The following NME7 variants were observed in gnomAD, a reference collection of about 807,000 sequenced individuals.
NME7 encodes the protein NME/NM23 family member 7.
Under a neutral mutation model 49.1 loss-of-function variants are expected in NME7, and 41 were observed. The ratio of observed to expected loss-of-function variants is 0.83; its 90% CI spans 0.65 to 1.08. NME7 has a LOEUF of 1.08. Ranked by LOEUF, NME7 falls within the 50% of genes least tolerant of loss-of-function variation. NME7 has a pLI of 0.00. For missense variants in NME7, 423 were observed against 463.4 expected, an observed-to-expected ratio of 0.91 and a Z score of 0.80; for synonymous variants, 139 against 150.6, an observed-to-expected ratio of 0.92 and a Z score of 0.56.
chr1:169,361,973 C>T (rs1399033538), intron 1 of NME7, among the ~76,000 whole-genome samples: 2 of 151,944 alleles, frequency 1.3e-5, no homozygotes, highest in South Asian at 2.1e-4. Context: ...TTGGGGAAGC[C>T]GAGGCAAGTG....
At chr1:169,230,010 A>T (rs1370580440) in intron 10 of NME7, among the ~76,000 whole-genome samples, 1 of 152,138 alleles carries the variant, frequency 6.6e-6, no homozygotes, top group African/African-American at 2.4e-5. Context: ...ATAAAATTAA[A>T]TTGAATTGGC....
intron 3 of NME7, among the ~76,000 whole-genome samples, chr1:169,318,976 G>A (rs562540262): frequency 1.3e-5 from 2 of 151,644 alleles, no homozygotes; most frequent in South Asian, 4.2e-4. Context: ...ATTCCAGTTG[G>A]GATGGAAGAA....
At chr1:169,263,156 A>T (rs1404926935) in intron 7 of NME7, among the ~76,000 whole-genome samples, 3 of 134,138 alleles carry the variant, frequency 2.2e-5, no homozygotes, top group Non-Finnish European at 5.3e-5. Context: ...CAAATGAGAA[A>T]GAACCAGTAC....
At chr1:169,237,716 AT>A in intron 7 of NME7, 29 bp from the exon 8 acceptor site, 2 of 1,575,470 alleles carry the variant, frequency 1.3e-6, no homozygotes. Context: ...GAGTGAAAAA[AT>A]ACAAAATTTT....
intron 9 of NME7, among the ~76,000 whole-genome samples, chr1:169,234,486 T>G (rs1647776336): frequency 6.6e-6 from 1 of 151,858 alleles, no homozygotes; most frequent in Non-Finnish European, 1.5e-5. Flanking sequence ...TATATCAGAC[T>G]AAATAATAAT....
At chr1:169,302,764 T>C (rs545773054) in intron 5 of NME7, among the ~76,000 whole-genome samples, 1 of 151,966 alleles carries the variant, frequency 6.6e-6, no homozygotes, top group Non-Finnish European at 1.5e-5. Flanking sequence ...GAATCTAAAG[T>C]AAAAGTTGAC....
chr1:169,198,804 C>T (rs1660462605), intron 10 of NME7, among the ~76,000 whole-genome samples: 1 of 152,028 alleles, frequency 6.6e-6, no homozygotes, highest in Non-Finnish European at 1.5e-5. Flanking sequence ...AACCACTGAG[C>T]TATATGTTTT....
chr1:169,185,571 G>T (rs2101754497), intron 10 of NME7, among the ~76,000 whole-genome samples: 1 of 152,204 alleles, frequency 6.6e-6, no homozygotes, highest in South Asian at 2.1e-4. Flanking sequence ...TCTGGTCAAT[G>T]AAACTCTAAG....
At position 169,275,920 on chromosome 1, in the gene NME7, C is replaced by T. The variant is rs554720271; in HGVS notation, c.754+11383G>A. ...AGGGTTGTTGAATTTTGTCAAAGGC[C>T]TTTTCTGCATCTATTGAGATAATCA... On this transcript the variant is annotated intron_variant, in intron 7 of 11. Transcript: ENST00000367811. 6.6e-3 allele frequency among the ~76,000 whole-genome samples: 874 copies of T among 132,964 alleles called. 83 individuals are homozygous for T. Among genetic ancestry groups the T allele is most frequent in the African/African-American group, 0.021 (819 of 39,402 alleles). 87.2% of individuals were successfully genotyped at this position (132,964 alleles called of 152,430 possible).
At chr1:169,283,676 A>T (rs1650139145) in intron 7 of NME7, 1 of 152,148 alleles carries the variant, frequency 6.6e-6, no homozygotes, top group African/African-American at 2.4e-5. Context: ...GCTTGTCTGT[A>T]AAGGATTTTA....
intron 10 of NME7, among the ~76,000 whole-genome samples, chr1:169,222,057 C>A (rs1661160425): frequency 6.6e-6 from 1 of 152,102 alleles, no homozygotes; most frequent in South Asian, 2.1e-4. Flanking sequence ...AGCCACTGTC[C>A]CTAGCTAAAT....
At chr1:169,323,063 G>A in intron 3 of NME7, 54 bp downstream of exon 3, 2 of 1,383,088 alleles carry the variant, frequency 1.4e-6, no homozygotes, top group Admixed American at 5.0e-5. Context: ...GATTCAGATT[G>A]ACTTTGAACC....
rs929869334 is a variant in NME7 at position 169,274,634 on chromosome 1, A to T, written c.754+12669T>A. ...TTAAGTCTTTAATCCATCTTGAATT[A>T]ATTTTTGTATAAGGTGTAAGGAAGG... is the stretch of plus-strand genomic sequence containing the variant. On this transcript the variant is annotated intron_variant, in intron 7 of 11. Transcript: ENST00000367811. 1.4e-4 allele frequency among the ~76,000 whole-genome samples: 18 copies of T among 133,118 alleles called. 1 individual carries two copies. Among genetic ancestry groups the T allele is most frequent in the African/African-American group, 3.6e-4 (14 of 39,364 alleles). The allele number at this position is 133,118 out of a possible 152,430, so 87.3% of individuals were successfully genotyped here.
intron 1 of NME7, 148 bp downstream of exon 1, chr1:169,367,560 G>A: frequency 1.2e-6 from 1 of 851,680 alleles, no homozygotes. Flanking sequence ...CGAGGAGACT[G>A]CAGGAACAGC....
chr1:169,361,781 A>T, intron 1 of NME7, among the ~76,000 whole-genome samples: 1 of 144,308 alleles, frequency 6.9e-6, no homozygotes, highest in Admixed American at 6.9e-5. Context: ...AACTCTGTCT[A>T]AAAAAAAAAA....
At chr1:169,329,616 T>C (rs1475279097) in intron 1 of NME7, among the ~76,000 whole-genome samples, 1 of 151,844 alleles carries the variant, frequency 6.6e-6, no homozygotes, top group African/African-American at 2.4e-5. Context: ...ATTAGTGAGA[T>C]TGAAGACAGG....
At chr1:169,258,922 A>G in intron 7 of NME7, among the ~76,000 whole-genome samples, 1 of 133,018 alleles carries the variant, frequency 7.5e-6, no homozygotes, top group East Asian at 2.0e-4. Flanking sequence ...CTTTGGAGTC[A>G]GGGCCCAGGA....
At chr1:169,282,150 T>A (rs1457111292) in intron 7 of NME7, among the ~76,000 whole-genome samples, 1 of 152,186 alleles carries the variant, frequency 6.6e-6, no homozygotes, top group Non-Finnish European at 1.5e-5. Context: ...TGTTCAGGGG[T>A]TCTACTTCTT....
intron 7 of NME7, chr1:169,286,518 TAAGAA>T (rs1249361030): frequency 2.6e-5 from 4 of 152,048 alleles, no homozygotes; most frequent in Admixed American, 2.0e-4. Context: ...GAGACAAAAA[TAAGAA>T]AAGAACTTGC....
Sources: gnomAD v4.1 joint callset for allele counts (sites outside exome capture counted in the v4.1 genomes callset) on GRCh38, gnomAD v4.1.1 for gene constraint, MANE v1.5 for transcripts, NCBI Gene and HGNC (gene_info 2026-07-23, HGNC 2026-07-21) for gene names.